CCDC178: variants seen among roughly 807,000 people sequenced by gnomAD.
CCDC178 encodes coiled-coil domain containing 178, also known as coiled-coil domain-containing protein 178.
Under a neutral mutation model 117.4 loss-of-function variants are expected in CCDC178, and 126 were observed. That is an observed-to-expected ratio of 1.07 (90% CI 0.93 to 1.24). The LOEUF is 1.24. Among genes scored for constraint, CCDC178 ranks in the 50% most tolerant of loss-of-function variants. The pLI is 0.00. For missense variants in CCDC178, 1,030 were observed against 986.9 expected (o/e 1.04, Z -0.59); for synonymous variants, 283 against 313.4 (o/e 0.90, Z 1.02).
At chr18:33,188,535 A>G (rs985301925) in intron 20 of CCDC178, among the ~76,000 whole-genome samples, 11 of 150,442 alleles carry the variant, frequency 7.3e-5, no homozygotes, top group African/African-American at 2.7e-4. Flanking sequence ...TTCAAAGGTG[A>G]GAAGAATTAG....
intron 6 of CCDC178, among the ~76,000 whole-genome samples, chr18:33,368,629 G>T (rs963535182): frequency 2.6e-5 from 4 of 151,900 alleles, no homozygotes; most frequent in African/African-American, 7.2e-5. Flanking sequence ...ATTCAGGAAA[G>T]AATATGGGCT....
At chr18:33,297,226 T>C (rs1000214444) in intron 11 of CCDC178, among the ~76,000 whole-genome samples, 13 of 151,978 alleles carry the variant, frequency 8.6e-5, no homozygotes, top group Admixed American at 6.6e-5. Flanking sequence ...TAAATGACTA[T>C]AGCAAAAACT....
At chr18:33,180,088 T>C (rs12959168) in intron 20 of CCDC178, among the ~76,000 whole-genome samples, 1 of 151,986 alleles carries the variant, frequency 6.6e-6, no homozygotes, top group Non-Finnish European at 1.5e-5. Context: ...GTACATTAAA[T>C]TTTTATTAAA....
intron 21 of CCDC178, among the ~76,000 whole-genome samples, chr18:33,008,480 A>C (rs1487065334): frequency 6.6e-6 from 1 of 151,976 alleles, no homozygotes; most frequent in African/African-American, 2.4e-5. Flanking sequence ...GCAATTCCTC[A>C]GTTCTTCTCT....
At chr18:33,006,889 C>G (rs948609001) in intron 21 of CCDC178, among the ~76,000 whole-genome samples, 3 of 151,964 alleles carry the variant, frequency 2.0e-5, no homozygotes, top group African/African-American at 7.2e-5. Context: ...CAATACATGC[C>G]AATAATACAT....
At chr18:33,301,228 C>A (rs923297540) in intron 11 of CCDC178, among the ~76,000 whole-genome samples, 2 of 152,188 alleles carry the variant, frequency 1.3e-5, no homozygotes, top group African/African-American at 2.4e-5. Flanking sequence ...TGGTGTTAAG[C>A]CTGTGGGTGC....
intron 19 of CCDC178, among the ~76,000 whole-genome samples, chr18:33,213,934 G>A (rs1170117572): frequency 1.3e-5 from 2 of 152,116 alleles, no homozygotes; most frequent in Non-Finnish European, 2.9e-5. Context: ...GTCCTTATTG[G>A]GGCCTGGCAG....
At chr18:33,196,182 T>C (rs1415867061) in intron 20 of CCDC178, among the ~76,000 whole-genome samples, 1 of 152,156 alleles carries the variant, frequency 6.6e-6, no homozygotes, top group Admixed American at 6.5e-5. Flanking sequence ...CTGGAAAAAC[T>C]AACGATTATC....
chr18:33,172,255 T>G (rs1183104265), intron 20 of CCDC178, among the ~76,000 whole-genome samples: 1 of 152,306 alleles, frequency 6.6e-6, no homozygotes, highest in East Asian at 1.9e-4. Context: ...ATATCCTTTT[T>G]CTGAATATAC....
At chr18:33,075,950 C>A (rs1165525724) in intron 21 of CCDC178, among the ~76,000 whole-genome samples, 1 of 152,050 alleles carries the variant, frequency 6.6e-6, no homozygotes, top group Non-Finnish European at 1.5e-5. Flanking sequence ...CCGTGGGGTA[C>A]AAAAGCAAAA....
chr18:33,238,286 C>T (rs894284225), intron 15 of CCDC178, among the ~76,000 whole-genome samples: 8 of 151,966 alleles, frequency 5.3e-5, no homozygotes, highest in African/African-American at 1.9e-4. Flanking sequence ...GACAATAATT[C>T]TCCAGTAACA....
chr18:32,978,001 C>A (rs1598748255), intron 21 of CCDC178, among the ~76,000 whole-genome samples: 1 of 152,092 alleles, frequency 6.6e-6, no homozygotes, highest in Non-Finnish European at 1.5e-5. Flanking sequence ...ACAAAGCAAA[C>A]TGAATAGTAA....
chr18:33,164,304 G>A (rs1214026541), intron 20 of CCDC178, among the ~76,000 whole-genome samples: 1 of 151,632 alleles, frequency 6.6e-6, no homozygotes, highest in Non-Finnish European at 1.5e-5. Context: ...TCTCCTTGTT[G>A]GTCAGGCTGG....
At chr18:33,055,719 C>T (rs1221042298) in intron 21 of CCDC178, among the ~76,000 whole-genome samples, 1 of 152,086 alleles carries the variant, frequency 6.6e-6, no homozygotes, top group African/African-American at 2.4e-5. Context: ...GGAAGTGACA[C>T]AATCTTATAA....
chr18:33,158,969 C>T (rs1394879965), intron 20 of CCDC178, among the ~76,000 whole-genome samples: 1 of 152,058 alleles, frequency 6.6e-6, no homozygotes, highest in Admixed American at 6.6e-5. Flanking sequence ...ACAGTATTTA[C>T]TCTTATAATT....
chr18:33,076,375 T>C (rs966082887), intron 21 of CCDC178, among the ~76,000 whole-genome samples: 7 of 152,208 alleles, frequency 4.6e-5, no homozygotes, highest in African/African-American at 1.7e-4. Flanking sequence ...TTCAATGTGG[T>C]AGTCCTTACT....
chr18:33,306,606 T>TTA (rs968425134), intron 11 of CCDC178, among the ~76,000 whole-genome samples: 10 of 146,868 alleles, frequency 6.8e-5, no homozygotes, highest in East Asian at 4.0e-4. Context: ...ATATGGTTTT[T>TTA]TATATATATA....
chr18:33,309,565 A>C (rs2062306951), intron 11 of CCDC178, among the ~76,000 whole-genome samples: 1 of 152,148 alleles, frequency 6.6e-6, no homozygotes, highest in African/African-American at 2.4e-5. Flanking sequence ...TAACATGAAA[A>C]AACATGTTTC....
intron 9 of CCDC178, among the ~76,000 whole-genome samples, chr18:33,343,435 G>A (rs74332296): frequency 1.5e-3 from 236 of 152,272 alleles, no homozygotes; most frequent in African/African-American, 5.5e-3. Flanking sequence ...TTGGCTACAC[G>A]TTGGATGGCA....
Sources: allele counts gnomAD v4.1 joint callset (sites outside exome capture counted in the v4.1 genomes callset), GRCh38; gene constraint gnomAD v4.1.1; transcripts MANE v1.5; gene names NCBI Gene and HGNC (gene_info 2026-07-23, HGNC 2026-07-21).